The following HECW1 variants were observed in gnomAD, a reference collection of about 807,000 sequenced individuals.
The protein encoded by HECW1 is E3 ubiquitin-protein ligase HECW1.
HECW1 carries 61 observed loss-of-function variants against 182.3 expected under a neutral mutation model. The observed-to-expected ratio is 0.33, with a 90% CI of 0.27 to 0.41. The LOEUF is 0.41. Ranked by LOEUF, HECW1 falls within the 10% of genes least tolerant of loss-of-function variation. HECW1 has a pLI of 1.00. For missense variants in HECW1, 1,739 were observed against 2,108.9 expected, an observed-to-expected ratio of 0.82 and a Z score of 3.44; for synonymous variants, 859 against 832.6, an observed-to-expected ratio of 1.03 and a Z score of -0.55.
At chr7:43,492,638 T>C (rs577939152) in intron 18 of HECW1, among the ~76,000 whole-genome samples, 1 of 152,340 alleles carries the variant, frequency 6.6e-6, no homozygotes, top group African/African-American at 2.4e-5. Context: ...GAAAATGAAA[T>C]GAGAGCATCT....
chr7:43,445,586 T>G lies in HECW1; in HGVS notation c.2398+16T>G, dbSNP rs188744720. ...CGGAGAGAAGGTTAGACCTCAAACC[T>G]GATCAGAGTGAGAATAGGACCATCA... On this transcript the variant is annotated intron_variant, in intron 11 of 29. Transcript: ENST00000395891. The G allele has an allele frequency of 1.3e-6, 2 of 1,541,576 alleles. No homozygotes were observed. Among genetic ancestry groups the G allele is most frequent in the East Asian group, 4.6e-5 (2 of 43,230 alleles).
At chr7:43,517,962 TTTAG>T in intron 24 of HECW1, among the ~76,000 whole-genome samples, 1 of 152,290 alleles carries the variant, frequency 6.6e-6, no homozygotes. Flanking sequence ...GAATTAACTA[TTTAG>T]TTAATGATGC....
At chr7:43,232,013 C>A (rs1797924448) in intron 2 of HECW1, among the ~76,000 whole-genome samples, 3 of 116,568 alleles carry the variant, frequency 2.6e-5, no homozygotes, top group South Asian at 5.8e-4. Flanking sequence ...CAGAGCGAGA[C>A]TCCATCTCAA....
chr7:43,335,981 CT>C (rs773321065), intron 5 of HECW1, among the ~76,000 whole-genome samples: 2,542 of 132,578 alleles, frequency 0.019, 38 homozygotes, highest in Non-Finnish European at 0.03. Flanking sequence ...CTCTCTCTCT[CT>C]TTCTCTCTCT....
intron 17 of HECW1, among the ~76,000 whole-genome samples, chr7:43,488,846 G>A (rs189499899): frequency 5.4e-4 from 83 of 152,322 alleles, no homozygotes; most frequent in African/African-American, 7.7e-4. Flanking sequence ...GCAGCAAGCC[G>A]TATCTCCCCC....
chr7:43,442,441 C>T, intron 9 of HECW1, 88 bp from the exon 10 acceptor site: 3 of 894,120 alleles, frequency 3.4e-6, no homozygotes, highest in South Asian at 2.9e-5. Context: ...GGCTTGCCTG[C>T]CTCACCCACT....
intron 13 of HECW1, among the ~76,000 whole-genome samples, chr7:43,460,531 T>C (rs2077546083): frequency 6.6e-6 from 1 of 152,192 alleles, no homozygotes; most frequent in Non-Finnish European, 1.5e-5. Context: ...TACGTGTGTG[T>C]GCGCGCGTGC....
At chr7:43,332,660 G>GT (rs1039307303) in intron 5 of HECW1, among the ~76,000 whole-genome samples, 1 of 152,194 alleles carries the variant, frequency 6.6e-6, no homozygotes, top group Admixed American at 6.5e-5. Context: ...CACTTCAGGA[G>GT]TGTGGCCTGT....
Position 43,322,282 on chromosome 7 carries a change from A to G in HECW1, c.460+1540A>G, listed in dbSNP as rs142150041. On this transcript the variant is annotated intron_variant, in intron 5 of 29. Transcript: ENST00000395891. ...AGAATGCTAGCCAGGCTGGTCTCGA[A>G]CTCCTGACCTCAGGCAATCCACCTG... Among the ~76,000 whole-genome samples the G allele has an allele frequency of 8.6e-3, 1,313 of 152,114 alleles. 15 individuals carry two copies. The highest frequency in any genetic ancestry group is 0.03 in the African/African-American group (1,252 of 41,512).
At chr7:43,113,645 G>T (rs888571687) in intron 1 of HECW1, 3 of 184,966 alleles carry the variant, frequency 1.6e-5, no homozygotes, top group African/African-American at 7.1e-5. Flanking sequence ...TTGCAGACAG[G>T]CAGGGAGGGA....
intron 7 of HECW1, among the ~76,000 whole-genome samples, chr7:43,406,845 G>A (rs1365568408): frequency 6.6e-6 from 1 of 152,130 alleles, no homozygotes; most frequent in Non-Finnish European, 1.5e-5. Flanking sequence ...CTTGAACCCA[G>A]GAGGCAGAGT....
At chr7:43,509,624 C>T (rs2079763284) in intron 24 of HECW1, 1 of 153,694 alleles carries the variant, frequency 6.5e-6, no homozygotes, top group Middle Eastern at 3.4e-3. Flanking sequence ...GCTGTTGAGG[C>T]ATTCTATTAC....
At chr7:43,466,685 A>G (rs2152897258) in intron 15 of HECW1, 117 bp downstream of exon 15, 1 of 1,199,524 alleles carries the variant, frequency 8.3e-7, no homozygotes, top group African/African-American at 1.5e-5. Context: ...AAGAAAAAAC[A>G]AAGAAAACAG....
rs778008391 is a variant in HECW1, at chr7:43,445,204, T to C, written c.2032T>C (p.Cys678Arg). The part of the protein sequence containing the change: ...HSCEGCDASC[C>R]SPSCYSSSCY... Reference sequence around the variant, plus strand: ...TTGCGAGGGCTGTGACGCGTCCTGCTGCAGCCCCTCGTGCTACAGCTCCTC... The same window carrying C: ...TTGCGAGGGCTGTGACGCGTCCTGCCGCAGCCCCTCGTGCTACAGCTCCTC... The change falls in exon 11 of 30, where the codon TGC becomes CGC. Residue 678 changes from cysteine to arginine, a missense_variant. Coordinates refer to ENST00000395891, the MANE Select transcript of HECW1 (RefSeq NM_015052.5). 6.6e-5 allele frequency: 107 copies of C among 1,613,222 alleles called. No individual in the cohort carries two copies. The highest frequency in any genetic ancestry group is 8.4e-5 in the Non-Finnish European group (99 of 1,179,888).
chr7:43,219,813 T>G lies in HECW1; in HGVS notation c.-31-24062T>G, dbSNP rs1796796686. 2.0e-5 allele frequency among the ~76,000 whole-genome samples: 3 copies of G among 152,182 alleles called. No individual in the cohort carries two copies. The South Asian group carries it at 6.2e-4, about 32-fold the overall frequency. ...TGGATTTCATTTCTGCCTTTTAGTT[T>G]TTACTTCTTCTTTCTTTGGAGGCAG... On this transcript the variant is annotated intron_variant, in intron 2 of 29. Transcript: ENST00000395891.
In HECW1 at chr7:43,445,339, GAC is replaced by G; in HGVS notation, c.2169_2170del (p.Asp723GlufsTer34). 1 of 1,613,826 alleles carries G rather than the reference GAC, an allele frequency of 6.2e-7. No homozygotes were observed. The highest frequency in any genetic ancestry group is 8.5e-7 in the Non-Finnish European group (1 of 1,180,034). Reference sequence around the variant, plus strand: ...CAGCCACACGCGCTTCTCCTCCGTGGACAGCGCCAAGATCTCCGAGAGCACGG... The same window carrying G: ...CAGCCACACGCGCTTCTCCTCCGTGGAGCGCCAAGATCTCCGAGAGCACGG... Reference protein sequence around the residue: ...FASHTRFSSVDSAKISESTVF... With the variant: ...FASHTRFSSVXSAKISESTVF... On this transcript the variant is annotated frameshift_variant, in exon 11 of 30. Coordinates refer to ENST00000395891, the MANE Select transcript of HECW1 (RefSeq NM_015052.5). LOFTEE classifies it high-confidence loss of function.
At chr7:43,495,916 A>G (rs1326245295) in intron 19 of HECW1, among the ~76,000 whole-genome samples, 1 of 152,164 alleles carries the variant, frequency 6.6e-6, no homozygotes, top group Non-Finnish European at 1.5e-5. Context: ...TAGTGAGTTC[A>G]CTGCTTGCTT....
chr7:43,356,605 C>T (rs189888654), intron 5 of HECW1, among the ~76,000 whole-genome samples: 92 of 152,276 alleles, frequency 6.0e-4, no homozygotes, highest in African/African-American at 2.2e-3. Flanking sequence ...TTTCTATCAA[C>T]ACATGGAACA....
Position 43,488,434 on chromosome 7 carries a change from GAGAAAGAAAGAAAGAAAGAAAGAA to G in HECW1, c.3235-3609_3235-3586del, listed in dbSNP as rs796394625. ...AAAGAGAGAGAGAGAAAGAAAGAAA[GAGAAAGAAAGAAAGAAAGAAAGAA>G]AGAAAGAAAGAAAGAAAGAAAGAAA... is the stretch of plus-strand genomic sequence containing the variant. On this transcript the variant is annotated intron_variant, in intron 17 of 29. Coordinates refer to ENST00000395891, the MANE Select transcript of HECW1 (RefSeq NM_015052.5). Among the ~76,000 whole-genome samples, 9 of 93,138 alleles carry G rather than the reference GAGAAAGAAAGAAAGAAAGAAAGAA, an allele frequency of 9.7e-5. No individual in the cohort carries two copies. In the South Asian group the frequency reaches 1.2e-3, roughly 12 times the overall value. The allele number at this position is 93,138 out of a possible 152,430, so 61.1% of individuals were successfully genotyped here. A position where few individuals can be genotyped will look rare whatever the true frequency, so the allele number is the denominator to read the frequency against.
Sources: allele counts gnomAD v4.1 joint callset (sites outside exome capture counted in the v4.1 genomes callset), GRCh38; gene constraint gnomAD v4.1.1; transcripts MANE v1.5; gene names NCBI Gene and HGNC (gene_info 2026-07-23, HGNC 2026-07-21).